SGCD: variants seen among roughly 807,000 people sequenced by gnomAD.
SGCD encodes the protein delta-sarcoglycan.
Under a neutral mutation model 36.6 loss-of-function variants are expected in SGCD, and 18 were observed. The observed-to-expected ratio is 0.49, with a 90% CI of 0.34 to 0.73. SGCD has a LOEUF of 0.73. Ranked by LOEUF, SGCD falls within the 30% of genes least tolerant of loss-of-function variation. The pLI is 0.01. For synonymous variants in SGCD, 133 were observed against 130.6 expected, an observed-to-expected ratio of 1.02 and a Z score of -0.12; for missense variants, 387 against 346.7, an observed-to-expected ratio of 1.12 and a Z score of -0.92.
intron 1 of SGCD, among the ~76,000 whole-genome samples, chr5:155,924,436 T>C (rs1265367080): frequency 6.6e-6 from 1 of 152,208 alleles, no homozygotes; most frequent in African/African-American, 2.4e-5. Flanking sequence ...TCTATTTTAA[T>C]CAGGCACTGA....
chr5:155,847,947 C>T, the SGCD span, among the ~76,000 whole-genome samples: 3 of 152,112 alleles, frequency 2.0e-5, no homozygotes, highest in African/African-American at 7.2e-5. Context: ...AGGAGATAAC[C>T]AAAACATCCA....
At chr5:156,056,654 A>AAACAAAAAAAAAAAC (rs1554115102) in intron 1 of SGCD, among the ~76,000 whole-genome samples, 1 of 137,832 alleles carries the variant, frequency 7.3e-6, no homozygotes, top group African/African-American at 2.8e-5. Context: ...TTAAAAAAAA[A>AAACAAAAAAAAAAAC]AAAAAAAAAA....
intron 1 of SGCD, among the ~76,000 whole-genome samples, chr5:156,084,223 T>G (rs1051601268): frequency 2.6e-5 from 4 of 152,236 alleles, no homozygotes; most frequent in Admixed American, 6.5e-5. Flanking sequence ...GTCCATTCTA[T>G]GGATGCGGTA....
chr5:156,028,741 T>A (rs1561687913), intron 1 of SGCD, among the ~76,000 whole-genome samples: 1 of 152,166 alleles, frequency 6.6e-6, no homozygotes, highest in East Asian at 1.9e-4. Context: ...ATGGAGAAAA[T>A]TTTTTCTTTG....
intron 3 of SGCD, among the ~76,000 whole-genome samples, chr5:156,161,995 C>G (rs1049215550): frequency 1.3e-5 from 2 of 151,130 alleles, no homozygotes; most frequent in African/African-American, 4.9e-5. Context: ...GATTTCCCCC[C>G]ACTCATATTC....
intron 4 of SGCD, among the ~76,000 whole-genome samples, chr5:156,553,834 A>G (rs1324227173): frequency 6.6e-6 from 1 of 152,186 alleles, no homozygotes; most frequent in African/African-American, 2.4e-5. Flanking sequence ...TGGGTACACC[A>G]CATCTTGTCT....
intron 7 of SGCD, among the ~76,000 whole-genome samples, chr5:156,647,931 T>C (rs961443267): frequency 2.0e-5 from 3 of 152,188 alleles, no homozygotes; most frequent in East Asian, 3.9e-4. Flanking sequence ...ACAAGCTCTC[T>C]ATTACTTGGG....
At chr5:155,744,059 A>G in the SGCD span, among the ~76,000 whole-genome samples, 1 of 152,200 alleles carries the variant, frequency 6.6e-6, no homozygotes, top group African/African-American at 2.4e-5. Context: ...AAAAATACAC[A>G]TGAAAACCAG....
intron 3 of SGCD, among the ~76,000 whole-genome samples, chr5:156,460,214 T>A (rs1267095553): frequency 6.6e-6 from 1 of 152,198 alleles, no homozygotes; most frequent in African/African-American, 2.4e-5. Flanking sequence ...TGATGTAATT[T>A]ATAAAGCCAG....
At chr5:156,700,144 G>A (rs763775412) in intron 7 of SGCD, among the ~76,000 whole-genome samples, 1 of 152,166 alleles carries the variant, frequency 6.6e-6, no homozygotes, top group African/African-American at 2.4e-5. Context: ...CACTGGGGCA[G>A]TAGACAATGG....
chr5:156,272,971 C>T (rs1473024653), intron 3 of SGCD, among the ~76,000 whole-genome samples: 1 of 152,114 alleles, frequency 6.6e-6, no homozygotes, highest in Non-Finnish European at 1.5e-5. Flanking sequence ...ACTATCTGGC[C>T]TGTTACAGAA....
intron 3 of SGCD, among the ~76,000 whole-genome samples, chr5:156,298,576 C>CTTTTTTTTTTTTTT (rs924228753): frequency 2.8e-4 from 31 of 110,492 alleles, no homozygotes; most frequent in African/African-American, 8.3e-4. Flanking sequence ...TTTTTCTTTT[C>CTTTTTTTTTTTTTT]TTTTTTTTTT....
At chr5:156,099,496 C>T (rs55896878) in intron 1 of SGCD, among the ~76,000 whole-genome samples, 2,175 of 152,332 alleles carry the variant, frequency 0.014, 22 homozygotes, top group Non-Finnish European at 0.023. Context: ...CTCACAGCAA[C>T]CTCTGCCTCC....
Position 156,157,431 on chromosome 5 carries a change from G to A in SGCD, c.-44+33412G>A, listed in dbSNP as rs192147358. 9.9e-4 allele frequency among the ~76,000 whole-genome samples: 151 copies of A among 151,778 alleles called. 4 individuals are homozygous for A. Among genetic ancestry groups the A allele is most frequent in the Admixed American group, 2.6e-3 (40 of 15,258 alleles). On this transcript the variant is annotated intron_variant, in intron 3 of 9. Transcript: ENST00000517913. ...AGCTGGTCCCCAGCCTGTTGCTTAGGTCTAATGGGTGACTGTCCACCAACA... is the reference window on the plus strand; with the variant it reads ...AGCTGGTCCCCAGCCTGTTGCTTAGATCTAATGGGTGACTGTCCACCAACA...
At chr5:155,740,586 T>C in the SGCD span, among the ~76,000 whole-genome samples, 4,425 of 152,328 alleles carry the variant, frequency 0.029, 86 homozygotes, top group Middle Eastern at 0.075. Context: ...TCATCAAGGC[T>C]GTGCCAGAAC....
At chr5:156,313,173 C>G (rs1767432786) in intron 3 of SGCD, among the ~76,000 whole-genome samples, 1 of 151,924 alleles carries the variant, frequency 6.6e-6, no homozygotes, top group South Asian at 2.1e-4. Context: ...GACATCACAT[C>G]CATTTAACAA....
At chr5:155,825,050 A>G in the SGCD span, among the ~76,000 whole-genome samples, 2 of 152,182 alleles carry the variant, frequency 1.3e-5, no homozygotes, top group African/African-American at 4.8e-5. Flanking sequence ...ATAGTGCCAA[A>G]CTATCATTTT....
chr5:155,948,005 G>T (rs564461663), intron 1 of SGCD, among the ~76,000 whole-genome samples: 1 of 152,202 alleles, frequency 6.6e-6, no homozygotes, highest in African/African-American at 2.4e-5. Context: ...AGCCTGGCAC[G>T]GTGGCTCACT....
intron 6 of SGCD, among the ~76,000 whole-genome samples, chr5:156,636,802 C>T (rs1762840520): frequency 6.6e-6 from 1 of 152,142 alleles, no homozygotes; most frequent in African/African-American, 2.4e-5. Flanking sequence ...GGTCAACTGG[C>T]TTACTACTGC....
Sources: gnomAD v4.1 joint callset for allele counts (sites outside exome capture counted in the v4.1 genomes callset) on GRCh38, gnomAD v4.1.1 for gene constraint, MANE v1.5 for transcripts, NCBI Gene and HGNC (gene_info 2026-07-23, HGNC 2026-07-21) for gene names.